DDX60L: variants seen among roughly 807,000 people sequenced by gnomAD.
DDX60L encodes probable ATP-dependent RNA helicase DDX60-like.
DDX60L carries 191 observed loss-of-function variants against 211.6 expected under a neutral mutation model. The observed-to-expected ratio is 0.90, with a 90% confidence interval of 0.80 to 1.02. The LOEUF (loss-of-function observed/expected upper bound fraction) is 1.02. Among genes scored for constraint, DDX60L ranks in the 50% least tolerant of loss-of-function variants. The pLI, the probability that DDX60L is intolerant of heterozygous loss-of-function variation, is 0.00. For synonymous variants in DDX60L, 706 were observed against 694.1 expected, an observed-to-expected ratio of 1.02 and a Z score of -0.27; for missense variants, 2,007 against 1,984.1, an observed-to-expected ratio of 1.01 and a Z score of -0.22.
intron 22 of DDX60L, among the ~76,000 whole-genome samples, chr4:168,411,183 C>A (rs1017458871): frequency 4.6e-5 from 7 of 152,160 alleles, no homozygotes; most frequent in African/African-American, 1.7e-4. Context: ...TAGAAGCCTC[C>A]TGTGAGAATC....
chr4:168,432,957 A>G, intron 11 of DDX60L, 53 bp downstream of exon 11: 2 of 1,109,750 alleles, frequency 1.8e-6, no homozygotes, highest in Middle Eastern at 2.2e-4. Flanking sequence ...CATTCACTTC[A>G]CTAGTATTTT....
intron 19 of DDX60L, among the ~76,000 whole-genome samples, chr4:168,417,399 A>C (rs1749750876): frequency 6.6e-6 from 1 of 152,050 alleles, no homozygotes; most frequent in Non-Finnish European, 1.5e-5. Flanking sequence ...GGGCCTTCAC[A>C]TATACGACCC....
intron 10 of DDX60L, among the ~76,000 whole-genome samples, chr4:168,434,924 C>A (rs1436628497): frequency 6.6e-6 from 1 of 152,192 alleles, no homozygotes; most frequent in East Asian, 1.9e-4. Flanking sequence ...GCTCCACTGC[C>A]AAAACTCATA....
intron 33 of DDX60L, among the ~76,000 whole-genome samples, 187 bp from the exon 34 acceptor site, chr4:168,375,711 G>A (rs1741835922): frequency 6.6e-6 from 1 of 152,102 alleles, no homozygotes; most frequent in Admixed American, 6.5e-5. Flanking sequence ...ATAAATGTAA[G>A]TATCTTTCCT....
At position 168,468,828 on chromosome 4, in the gene DDX60L, C is replaced by A. The variant is rs542729181; in HGVS notation, c.264+2919G>T. ...CAATTCTACTTCTATATACAAGCAG[C>A]AAAAACTAAAAAATTATTTTTAAAA... On this transcript the variant is annotated intron_variant, in intron 4 of 37. Coordinates refer to ENST00000682922, the MANE Select transcript of DDX60L (RefSeq NM_001012967.3). The A allele has an allele frequency of 1.7e-3, 261 of 152,108 alleles. 1 individual carries two copies. Among genetic ancestry groups the A allele is most frequent in the African/African-American group, 6.0e-3 (251 of 41,500 alleles). 9.4% of individuals were successfully genotyped at this position (152,108 alleles called of 1,614,324 possible).
intron 4 of DDX60L, among the ~76,000 whole-genome samples, chr4:168,465,443 G>C (rs1446689800): frequency 1.3e-5 from 2 of 151,978 alleles, no homozygotes; most frequent in Admixed American, 1.3e-4. Flanking sequence ...CATTCTGAAG[G>C]TGTCTCTTTA....
intron 22 of DDX60L, among the ~76,000 whole-genome samples, chr4:168,407,817 C>A (rs1006524621): frequency 1.3e-5 from 2 of 152,190 alleles, no homozygotes; most frequent in Non-Finnish European, 2.9e-5. Flanking sequence ...TCACTACTCC[C>A]TGGGGTTCTG....
chr4:168,443,265 G>C (rs1295793986), intron 9 of DDX60L, among the ~76,000 whole-genome samples: 1 of 152,160 alleles, frequency 6.6e-6, no homozygotes, highest in African/African-American at 2.4e-5. Flanking sequence ...TCAACTGGAA[G>C]AAAGGGTATC....
At chr4:168,449,965 C>T (rs1028021272) in intron 8 of DDX60L, among the ~76,000 whole-genome samples, 4 of 152,078 alleles carry the variant, frequency 2.6e-5, no homozygotes, top group Admixed American at 1.3e-4. Flanking sequence ...GTAGGCTGAA[C>T]TAACTTTGGA....
chr4:168,383,982 T>C (rs1265837581), intron 30 of DDX60L, among the ~76,000 whole-genome samples: 1 of 152,180 alleles, frequency 6.6e-6, no homozygotes, highest in African/African-American at 2.4e-5. Context: ...GCTGCCAGCA[T>C]GGCCAGAATA....
chr4:168,449,685 T>TAAAAAAAAA (rs1554017194), intron 8 of DDX60L, among the ~76,000 whole-genome samples: 1 of 73,546 alleles, frequency 1.4e-5, no homozygotes, highest in Non-Finnish European at 2.7e-5. Flanking sequence ...AAAAAATTAC[T>TAAAAAAAAA]AAATGATGTG....
chr4:168,421,781 A>G lies in DDX60L; in HGVS notation c.2373T>C (p.Val791=), dbSNP rs1750668019. 1 of 1,613,978 alleles carries G rather than the reference A, an allele frequency of 6.2e-7. No individual in the cohort carries two copies. The highest frequency in any genetic ancestry group is 1.3e-5 in the African/African-American group (1 of 75,046). Residue 791 remains valine (V), a synonymous_variant, in exon 17 of 38, where the codon GTT becomes GTC. Coordinates refer to ENST00000682922, the MANE Select transcript of DDX60L (RefSeq NM_001012967.3). ...CTACCTTTGCGGGTGCAACGTACAC[A>G]ACCACCCCGACATCGCTCTCCCTCA... ...KVLRESDVGV[V]VYVAPAKSLV...
chr4:168,433,611 A>T (rs963512605), intron 10 of DDX60L, among the ~76,000 whole-genome samples: 2 of 152,194 alleles, frequency 1.3e-5, no homozygotes, highest in African/African-American at 4.8e-5. Context: ...TATGGTTTAC[A>T]TGCTGAATAT....
intron 9 of DDX60L, among the ~76,000 whole-genome samples, chr4:168,442,093 G>C (rs533753630): frequency 1.6e-3 from 251 of 152,194 alleles, no homozygotes; most frequent in Non-Finnish European, 2.9e-3. Flanking sequence ...ATGAGGTACC[G>C]GGTTCATCTC....
chr4:168,410,326 T>TA (rs994326071), intron 22 of DDX60L, among the ~76,000 whole-genome samples: 3 of 152,072 alleles, frequency 2.0e-5, no homozygotes, highest in Admixed American at 6.5e-5. Flanking sequence ...TCTGGAAACT[T>TA]AGAGTTTGGC....
intron 8 of DDX60L, among the ~76,000 whole-genome samples, chr4:168,452,910 G>T (rs1276477342): frequency 1.3e-5 from 2 of 152,048 alleles, no homozygotes; most frequent in African/African-American, 4.8e-5. Context: ...TCTCATCAGA[G>T]ATAAGAAGGA....
At chr4:168,393,932 C>A (rs776465655) in intron 28 of DDX60L, among the ~76,000 whole-genome samples, 1 of 152,060 alleles carries the variant, frequency 6.6e-6, no homozygotes, top group Non-Finnish European at 1.5e-5. Context: ...CAGTGGCTCA[C>A]GCCTGTAATC....
chr4:168,472,329 T>A, intron 3 of DDX60L, 126 bp downstream of exon 3: 1 of 709,758 alleles, frequency 1.4e-6, no homozygotes, highest in Non-Finnish European at 2.4e-6. Flanking sequence ...TGCGTTCCCA[T>A]CATCTCCAAG....
intron 19 of DDX60L, among the ~76,000 whole-genome samples, chr4:168,417,559 GA>G (rs1749772136): frequency 6.6e-6 from 1 of 152,082 alleles, no homozygotes; most frequent in South Asian, 2.1e-4. Flanking sequence ...TTATCTTGGT[GA>G]AAACTAACTG....
Sources: allele counts gnomAD v4.1 joint callset (sites outside exome capture counted in the v4.1 genomes callset), GRCh38; gene constraint gnomAD v4.1.1; transcripts MANE v1.5; gene names NCBI Gene and HGNC (gene_info 2026-07-23, HGNC 2026-07-21).